Variants in SV2B observed in about 807,000 individuals in gnomAD.
The protein encoded by SV2B is synaptic vesicle glycoprotein 2B.
Under a neutral mutation model 73.9 loss-of-function variants are expected in SV2B, and 41 were observed. The observed-to-expected ratio is 0.56, with a 90% CI of 0.43 to 0.72. The LOEUF (loss-of-function observed/expected upper bound fraction) is 0.72, where lower values mean the gene tolerates loss of function less well. Ranked by LOEUF, SV2B falls within the 30% of genes least tolerant of loss-of-function variation. The pLI is 0.00. For missense variants in SV2B, 764 were observed against 857.8 expected (o/e 0.89, Z 1.37); for synonymous variants, 314 against 314.2 (o/e 1.00, Z 0.01).
Position 91,245,861 on chromosome 15 carries a change from T to A in SV2B, c.452-5958T>A, listed in dbSNP as rs992748. Among the ~76,000 whole-genome samples the A allele has an allele frequency of 0.25, 38,543 of 151,888 alleles. 6,966 individuals are homozygous for A. The highest frequency in any genetic ancestry group is 0.51 in the African/African-American group (21,230 of 41,330). ...ACAAACCTATGACCAATTTTTTTTT[T>A]AACATTTTTAAAGGGTTGTAAATTT... On this transcript the variant is annotated intron_variant, in intron 2 of 12. Transcript: ENST00000394232. This position sits in a 1 kb window ranked among gnomAD's most constrained non-coding sequence, Gnocchi z 4.2.
rs1268651814 is a variant in SV2B, at chr15:91,268,189, C to T, written c.1209-252C>T. Among the ~76,000 whole-genome samples, 2 of 152,190 alleles carry T rather than the reference C, an allele frequency of 1.3e-5. No individual in the cohort carries two copies. The highest frequency in any genetic ancestry group is 2.9e-5 in the Non-Finnish European group (2 of 68,030). On this transcript the variant is annotated intron_variant, in intron 8 of 12. Coordinates refer to ENST00000394232, the MANE Select transcript of SV2B (RefSeq NM_001323032.3). The surrounding 1 kb of genome is among the most constrained non-coding windows in gnomAD (Gnocchi z 4.4). Reference sequence around the variant, plus strand: ...ACATGTTAAGGAGGTGTCCCTCAACCCCTAATCTATTGGTGTTTGTATCAG... The same window carrying T: ...ACATGTTAAGGAGGTGTCCCTCAACTCCTAATCTATTGGTGTTTGTATCAG...
chr15:91,101,486 T>TCTGC (rs1349722259), intron 1 of SV2B, among the ~76,000 whole-genome samples: 10 of 152,228 alleles, frequency 6.6e-5, no homozygotes, highest in Admixed American at 1.3e-4. Flanking sequence ...GAGATGATGA[T>TCTGC]AACAATGTCC....
intron 9 of SV2B, among the ~76,000 whole-genome samples, chr15:91,270,694 T>G (rs757884049): frequency 6.6e-6 from 1 of 152,242 alleles, no homozygotes; most frequent in Non-Finnish European, 1.5e-5. Context: ...ATTTTAACTT[T>G]GCTCAGCTTC....
At chr15:91,161,906 T>G (rs2043733338) in intron 1 of SV2B, among the ~76,000 whole-genome samples, 1 of 152,162 alleles carries the variant, frequency 6.6e-6, no homozygotes, top group Admixed American at 6.5e-5. Context: ...AGACAAAGAG[T>G]GAATCTTTTC....
intron 5 of SV2B, among the ~76,000 whole-genome samples, chr15:91,259,920 G>T (rs1464389139): frequency 6.6e-6 from 1 of 152,148 alleles, no homozygotes; most frequent in African/African-American, 2.4e-5. Context: ...TGGTACTGGG[G>T]ATTAGCACTT....
At position 91,226,089 on chromosome 15, in the gene SV2B, T is replaced by G; in HGVS notation, c.-175T>G. Reference sequence around the variant, plus strand: ...TTAGGTTGTCTTTGCACAAATCTGGTTGATTTGAGAGATAAAGGGGGGGGG... The same window carrying G: ...TTAGGTTGTCTTTGCACAAATCTGGGTGATTTGAGAGATAAAGGGGGGGGG... On this transcript the variant is annotated 5_prime_UTR_variant, in exon 2 of 13. Transcript: ENST00000394232. 2 of 634,474 alleles carry G rather than the reference T, an allele frequency of 3.2e-6. No homozygotes were observed. Among genetic ancestry groups the G allele is most frequent in the Non-Finnish European group, 5.3e-6 (2 of 374,428 alleles). The allele number at this position is 634,474 out of a possible 1,614,324, so 39.3% of individuals were successfully genotyped here.
At chr15:91,249,412 A>T (rs1047811597) in intron 2 of SV2B, among the ~76,000 whole-genome samples, 2 of 152,196 alleles carry the variant, frequency 1.3e-5, no homozygotes, top group African/African-American at 4.8e-5. Context: ...TCTCACTCAT[A>T]GATAATCATA....
At chr15:91,117,351 A>G (rs2042209869) in intron 1 of SV2B, among the ~76,000 whole-genome samples, 1 of 152,272 alleles carries the variant, frequency 6.6e-6, no homozygotes, top group Non-Finnish European at 1.5e-5. Flanking sequence ...TACAGTGCTC[A>G]GCACAATGTT....
At chr15:91,147,690 C>A (rs1180058483) in intron 1 of SV2B, among the ~76,000 whole-genome samples, 1 of 152,132 alleles carries the variant, frequency 6.6e-6, no homozygotes, top group East Asian at 1.9e-4. Context: ...TAAACGTCTG[C>A]TGGATATCAA....
intron 1 of SV2B, among the ~76,000 whole-genome samples, chr15:91,203,533 T>G (rs2045533121): frequency 6.6e-6 from 1 of 152,282 alleles, no homozygotes; most frequent in Non-Finnish European, 1.5e-5. Flanking sequence ...CTTTATATCT[T>G]TATTCAAACA....
intron 1 of SV2B, among the ~76,000 whole-genome samples, chr15:91,144,050 C>T (rs1442563025): frequency 6.6e-6 from 1 of 152,144 alleles, no homozygotes; most frequent in Non-Finnish European, 1.5e-5. Flanking sequence ...TACTGAGCTC[C>T]TTTAAAATCT....
rs2046992461 is a variant in SV2B at position 91,241,093 on chromosome 15, T to C, written c.452-10726T>C. ...TCATCACGGTCACATTCCAACCATC[T>C]CTCTATTATTGTCCTTGGAGATTTT... On this transcript the variant is annotated intron_variant, in intron 2 of 12. Transcript: ENST00000394232. This position sits in a 1 kb window ranked among gnomAD's most constrained non-coding sequence, Gnocchi z 4.8. 6.6e-6 allele frequency among the ~76,000 whole-genome samples: 1 copy of C among 152,180 alleles called. No individual in the cohort carries two copies. The highest frequency in any genetic ancestry group is 1.5e-5 in the Non-Finnish European group (1 of 68,022).
At chr15:91,248,343 C>T (rs2047336855) in intron 2 of SV2B, among the ~76,000 whole-genome samples, 1 of 152,038 alleles carries the variant, frequency 6.6e-6, no homozygotes, top group African/African-American at 2.4e-5. Flanking sequence ...CAAAAAAATG[C>T]CTTGTATGGC....
intron 2 of SV2B, among the ~76,000 whole-genome samples, chr15:91,238,808 A>G (rs1016767385): frequency 1.3e-4 from 20 of 152,114 alleles, no homozygotes; most frequent in African/African-American, 4.8e-4. Context: ...GGCCCAAGAG[A>G]TGATCCGTCA....
Position 91,136,294 on chromosome 15 carries a change from C to T in SV2B, c.-392+35931C>T, listed in dbSNP as rs2042823011. Among the ~76,000 whole-genome samples, 1 of 152,102 alleles carries T rather than the reference C, an allele frequency of 6.6e-6. No individual in the cohort carries two copies. The highest frequency in any genetic ancestry group is 1.5e-5 in the Non-Finnish European group (1 of 68,030). On this transcript the variant is annotated intron_variant, in intron 1 of 12. Transcript: ENST00000394232. The surrounding 1 kb of genome is among the most constrained non-coding windows in gnomAD (Gnocchi z 5.6). ...AAACCTCAGATTAGTCGGGAGAGAG[C>T]GGCCGACCTCAGCAGGTTGCTGGAA...
Position 91,283,951 on chromosome 15 carries a change from C to A in SV2B, c.1508-70C>A. On this transcript the variant is annotated intron_variant, in intron 10 of 12. Transcript: ENST00000394232. This position sits in a 1 kb window ranked among gnomAD's most constrained non-coding sequence, Gnocchi z 4.3. ...GCCTACAGGAGGGGGCAGACTTCAT[C>A]CCTGCCTCTGCCTTTCTCTCTCCAG... The A allele has an allele frequency of 6.6e-7, 1 of 1,522,628 alleles. No individual in the cohort carries two copies. The highest frequency in any genetic ancestry group is 1.1e-5 in the South Asian group (1 of 87,384). 94.3% of individuals were successfully genotyped at this position (1,522,628 alleles called of 1,614,324 possible).
chr15:91,228,048 C>T (rs1368837074), intron 2 of SV2B, among the ~76,000 whole-genome samples: 2 of 152,210 alleles, frequency 1.3e-5, no homozygotes, highest in African/African-American at 4.8e-5. Context: ...AGCCTGCGGG[C>T]TGCAGTTTGC....
rs977417094 is a variant in SV2B, at chr15:91,223,947, G to C, written c.-391-1926G>C. 6.6e-6 allele frequency among the ~76,000 whole-genome samples: 1 copy of C among 152,258 alleles called. No homozygotes were observed. Among genetic ancestry groups the C allele is most frequent in the Non-Finnish European group, 1.5e-5 (1 of 68,050 alleles). ...CAGATTCAGTGTCTTTCAGGGAGGGGTCCTGGAATTGGCATTTCTGTTGAG... is the reference window on the plus strand; with the variant it reads ...CAGATTCAGTGTCTTTCAGGGAGGGCTCCTGGAATTGGCATTTCTGTTGAG... On this transcript the variant is annotated intron_variant, in intron 1 of 12. Coordinates refer to ENST00000394232, the MANE Select transcript of SV2B (RefSeq NM_001323032.3). The surrounding 1 kb of genome is among the most constrained non-coding windows in gnomAD (Gnocchi z 4.6).
At chr15:91,168,565 G>T (rs2044004081) in intron 1 of SV2B, among the ~76,000 whole-genome samples, 1 of 152,066 alleles carries the variant, frequency 6.6e-6, no homozygotes, top group African/African-American at 2.4e-5. Context: ...CAGTCTTCTG[G>T]CTAGAAAAAG....
Sources: allele counts gnomAD v4.1 joint callset (sites outside exome capture counted in the v4.1 genomes callset), GRCh38; gene constraint gnomAD v4.1.1; non-coding constraint Gnocchi (gnomAD v3.1); transcripts MANE v1.5; gene names NCBI Gene and HGNC (gene_info 2026-07-23, HGNC 2026-07-21).